Variants in DMD observed in about 807,000 individuals in gnomAD.
The protein encoded by DMD is mutant dystrophin.
In DMD, 63 loss-of-function variants were observed where a neutral mutation model predicts 330.1. The observed-to-expected ratio is 0.19, with a 90% confidence interval of 0.16 to 0.24. DMD has a LOEUF of 0.24. Among genes scored for constraint, DMD ranks in the 10% least tolerant of loss-of-function variants. DMD has a pLI of 1.00. For missense variants in DMD, 3,344 were observed against 2,684.1 expected (o/e 1.25, Z -5.43); for synonymous variants, 1,223 against 959.8 (o/e 1.27, Z -5.07).
intron 2 of DMD, among the ~76,000 whole-genome samples, chrX:32,932,765 A>T (rs2089701094): frequency 9.0e-6 from 1 of 111,680 alleles, no homozygotes; most frequent in Non-Finnish European, 1.9e-5. Flanking sequence ...GGTGTATCTG[A>T]CTACCAGTTT....
intron 47 of DMD, among the ~76,000 whole-genome samples, chrX:31,891,163 C>T (rs2094243393): frequency 9.0e-6 from 1 of 111,346 alleles, no homozygotes; most frequent in South Asian, 3.7e-4. Flanking sequence ...AGGTTTTGAA[C>T]ACAACATCGG....
At chrX:31,967,807 C>T (rs1476685199) in intron 45 of DMD, among the ~76,000 whole-genome samples, 1 of 111,858 alleles carries the variant, frequency 8.9e-6, no homozygotes, top group East Asian at 2.8e-4. Flanking sequence ...TTGAATTTGA[C>T]AGTAACCTTT....
chrX:32,525,909 G>A (rs170606), intron 17 of DMD, among the ~76,000 whole-genome samples: 12,156 of 111,448 alleles, frequency 0.11, 645 homozygotes, highest in South Asian at 0.2. Context: ...CATATTCAAC[G>A]TTGGATTCTG....
intron 2 of DMD, among the ~76,000 whole-genome samples, chrX:32,899,587 T>A (rs1308305563): frequency 9.7e-6 from 1 of 103,348 alleles, no homozygotes; most frequent in Non-Finnish European, 1.9e-5. Flanking sequence ...GGCAGAAGAA[T>A]CACTTGAACC....
chrX:32,502,749 G>A (rs544071862), intron 18 of DMD, among the ~76,000 whole-genome samples: 137 of 111,727 alleles, frequency 1.2e-3, no homozygotes, highest in African/African-American at 3.9e-3. Flanking sequence ...TTCTACATGA[G>A]ACTATTTTTT....
Position 33,258,328 on chromosome X carries a change from C to T in DMD, c.7+80931G>A, listed in dbSNP as rs761956584. Among the ~76,000 whole-genome samples, 5 of 110,749 alleles carry T rather than the reference C, an allele frequency of 4.5e-5. No individual in the cohort carries two copies. The East Asian group carries it at 8.5e-4, about 19-fold the overall frequency. ...CAGGTATAACTATACCAAAGTGTTCCGGTTTGGAAACATAGTGTAAATGTT... is the reference window on the plus strand; with the variant it reads ...CAGGTATAACTATACCAAAGTGTTCTGGTTTGGAAACATAGTGTAAATGTT... On this transcript the variant is annotated intron_variant, in intron 1 of 17. Coordinates refer to the DMD transcript ENST00000288447.
intron 51 of DMD, among the ~76,000 whole-genome samples, chrX:31,756,604 A>C (rs1424040581): frequency 8.9e-6 from 1 of 112,848 alleles, no homozygotes; most frequent in Non-Finnish European, 1.9e-5. Flanking sequence ...CTCCCTTTCA[A>C]AACAAGAAAA....
At chrX:32,613,747 T>C (rs760466782) in intron 12 of DMD, among the ~76,000 whole-genome samples, 75 of 111,545 alleles carry the variant, frequency 6.7e-4, no homozygotes, top group African/African-American at 2.4e-3. Flanking sequence ...TCCACAAATA[T>C]GTTTGATTTC....
chrX:33,211,662 C>G (rs1291734026), upstream of DMD: 8 of 644,439 alleles, frequency 1.2e-5, no homozygotes, highest in Non-Finnish European at 1.6e-5. Flanking sequence ...TCCATGGTCA[C>G]TACATATAAG....
intron 2 of DMD, among the ~76,000 whole-genome samples, chrX:32,961,432 C>T (rs1013516347): frequency 1.8e-5 from 2 of 110,615 alleles, no homozygotes; most frequent in Non-Finnish European, 3.8e-5. Context: ...ATTGCAAATA[C>T]ATTTAAAAAT....
chrX:32,560,693 G>A, intron 16 of DMD, among the ~76,000 whole-genome samples: 1 of 111,539 alleles, frequency 9.0e-6, no homozygotes, highest in Non-Finnish European at 1.9e-5. Flanking sequence ...TGCAGTGTTT[G>A]GTTTTCTGTT....
chrX:31,378,498 G>A (rs1279380166), intron 60 of DMD, among the ~76,000 whole-genome samples: 1 of 111,267 alleles, frequency 9.0e-6, no homozygotes, highest in Non-Finnish European at 1.9e-5. Context: ...CACCGGTCAC[G>A]GACTCGGAAG....
intron 60 of DMD, among the ~76,000 whole-genome samples, chrX:31,430,948 G>A (rs892657254): frequency 4.7e-5 from 5 of 107,301 alleles, no homozygotes; most frequent in South Asian, 4.2e-4. Flanking sequence ...GACTACAGGC[G>A]CCTGCCACCA....
At chrX:32,236,029 A>T (rs1174260995) in intron 43 of DMD, among the ~76,000 whole-genome samples, 1 of 111,949 alleles carries the variant, frequency 8.9e-6, no homozygotes, top group African/African-American at 3.2e-5. Flanking sequence ...TTCATTTAAA[A>T]TCATGGTAAA....
At chrX:33,313,132 T>C (rs912555404) in intron 1 of DMD, among the ~76,000 whole-genome samples, 4 of 111,710 alleles carry the variant, frequency 3.6e-5, no homozygotes, top group Non-Finnish European at 5.6e-5. Context: ...GCTGTGAAAA[T>C]GCTATGAGCA....
intron 21 of DMD, among the ~76,000 whole-genome samples, chrX:32,473,331 C>T (rs750776703): frequency 9.0e-6 from 1 of 111,109 alleles, no homozygotes; most frequent in African/African-American, 3.3e-5. Context: ...AGCATGGAGA[C>T]ACAAAAAGAT....
At chrX:31,884,949 G>T (rs1003660787) in intron 47 of DMD, among the ~76,000 whole-genome samples, 1 of 111,064 alleles carries the variant, frequency 9.0e-6, no homozygotes, top group African/African-American at 3.3e-5. Context: ...CACTCAGAAA[G>T]AATATTATAT....
intron 7 of DMD, among the ~76,000 whole-genome samples, chrX:32,739,770 G>C (rs932203621): frequency 9.0e-6 from 1 of 110,760 alleles, no homozygotes; most frequent in Non-Finnish European, 1.9e-5. Context: ...TTCTCATAGT[G>C]TGGTTCTCAG....
At chrX:32,336,001 TAACGTTATATATAACGTGTATATATAAC>T (rs2097711524) in intron 41 of DMD, among the ~76,000 whole-genome samples, 1 of 37,531 alleles carries the variant, frequency 2.7e-5, no homozygotes, top group African/African-American at 7.0e-5. Flanking sequence ...CGTGTATATA[TAACGTTATATATAACGTGTATATATAAC>T]GTTATATATA....
Sources: allele counts gnomAD v4.1 joint callset (sites outside exome capture counted in the v4.1 genomes callset), GRCh38; gene constraint gnomAD v4.1.1; transcripts MANE v1.5; gene names NCBI Gene and HGNC (gene_info 2026-07-23, HGNC 2026-07-21).